Variants in BLK observed in about 807,000 individuals in gnomAD.
The protein encoded by BLK is BLK proto-oncogene, Src family tyrosine kinase.
Under a neutral mutation model 61.8 loss-of-function variants are expected in BLK, and 64 were observed. The observed-to-expected ratio is 1.03, with a 90% CI of 0.85 to 1.27. The LOEUF is 1.27. Ranked by LOEUF, BLK falls within the 50% of genes most tolerant of loss-of-function variation. The probability of loss-of-function intolerance (pLI) is 0.00; values close to 1 mark genes in which losing one functional copy is unlikely to be tolerated. For missense variants in BLK, 853 were observed against 660.5 expected (o/e 1.29, Z -3.19); for synonymous variants, 351 against 272.0 (o/e 1.29, Z -2.86).
At chr8:11,532,029 T>C (rs1799905961) in intron 1 of BLK, among the ~76,000 whole-genome samples, 1 of 152,106 alleles carries the variant, frequency 6.6e-6, no homozygotes, top group Non-Finnish European at 1.5e-5. Context: ...CAGCTAGTTT[T>C]TGCATTTTTA....
chr8:11,548,912 C>T (rs878953803), intron 4 of BLK, 112 bp from the exon 5 acceptor site: 4 of 956,252 alleles, frequency 4.2e-6, no homozygotes, highest in Admixed American at 4.0e-5. Flanking sequence ...CTCTCTACCC[C>T]TGCGGATTCT....
intron 1 of BLK, among the ~76,000 whole-genome samples, chr8:11,504,158 C>G (rs1030937654): frequency 2.0e-5 from 3 of 152,046 alleles, no homozygotes; most frequent in Non-Finnish European, 2.9e-5. Context: ...ACTGTCTCTA[C>G]TCAAAATGCA....
chr8:11,528,359 C>G (rs1481638431), intron 1 of BLK, among the ~76,000 whole-genome samples: 1 of 152,214 alleles, frequency 6.6e-6, no homozygotes, highest in Non-Finnish European at 1.5e-5. Context: ...TTAAGTTAAA[C>G]TATAAACTAA....
chr8:11,506,206 T>C (rs1798764602), intron 1 of BLK, among the ~76,000 whole-genome samples: 1 of 152,196 alleles, frequency 6.6e-6, no homozygotes, highest in Non-Finnish European at 1.5e-5. Flanking sequence ...TGGGGTGTCT[T>C]TAAGGTGACC....
intron 2 of BLK, among the ~76,000 whole-genome samples, chr8:11,544,890 C>T (rs1402224153): frequency 6.6e-6 from 1 of 152,172 alleles, no homozygotes; most frequent in East Asian, 1.9e-4. Context: ...TGTATAGCCA[C>T]CTCCCAACTT....
chr8:11,531,733 T>A (rs1799893782), intron 1 of BLK, among the ~76,000 whole-genome samples: 1 of 152,316 alleles, frequency 6.6e-6, no homozygotes, highest in South Asian at 2.1e-4. Flanking sequence ...TGATGCTCTG[T>A]TGTTTATGTT....
intron 1 of BLK, among the ~76,000 whole-genome samples, chr8:11,529,624 G>C (rs1799807966): frequency 6.6e-6 from 1 of 152,150 alleles, no homozygotes; most frequent in Non-Finnish European, 1.5e-5. Context: ...TGGCTAATTT[G>C]TTAGTCCTAC....
rs192235108 is a variant in BLK at position 11,500,969 on chromosome 8, G to A, written c.-2+6378G>A. Among the ~76,000 whole-genome samples, 1,193 of 152,124 alleles carry A rather than the reference G, an allele frequency of 7.8e-3. 8 individuals are homozygous for A. Among genetic ancestry groups the A allele is most frequent in the Middle Eastern group, 0.041 (12 of 294 alleles). On this transcript the variant is annotated intron_variant, in intron 1 of 12. Transcript: ENST00000259089. ...CACACCTGTAATCCCAGCACTTTGGGAGGCCAAGGTGGGAGGATTGCTTGA... is the reference window on the plus strand; with the variant it reads ...CACACCTGTAATCCCAGCACTTTGGAAGGCCAAGGTGGGAGGATTGCTTGA...
chr8:11,553,028 A>ATG (rs1800988743), intron 6 of BLK: 5 of 162,830 alleles, frequency 3.1e-5, no homozygotes, highest in African/African-American at 1.2e-4. Context: ...ATACACACAC[A>ATG]CGCACACATA....
At chr8:11,552,119 T>C (rs925596079) in intron 6 of BLK, among the ~76,000 whole-genome samples, 5 of 152,176 alleles carry the variant, frequency 3.3e-5, no homozygotes, top group Non-Finnish European at 7.4e-5. Flanking sequence ...GCGATGAGAA[T>C]GGACAGAGTT....
intron 8 of BLK, chr8:11,555,918 G>T (rs773836175): frequency 3.1e-6 from 1 of 327,212 alleles, no homozygotes; most frequent in Non-Finnish European, 6.0e-6. Flanking sequence ...GAAGCTCCAG[G>T]CCTGGTGTCC....
At chr8:11,502,104 T>A (rs2117246755) in intron 1 of BLK, among the ~76,000 whole-genome samples, 1 of 152,266 alleles carries the variant, frequency 6.6e-6, no homozygotes, top group South Asian at 2.1e-4. Flanking sequence ...CACGATAGAG[T>A]ACTTCCGCCT....
At chr8:11,516,197 C>T (rs1392592957) in intron 1 of BLK, among the ~76,000 whole-genome samples, 1 of 152,220 alleles carries the variant, frequency 6.6e-6, no homozygotes, top group African/African-American at 2.4e-5. Flanking sequence ...TTAAATGAGT[C>T]CCTGGAGTAG....
intron 1 of BLK, among the ~76,000 whole-genome samples, chr8:11,518,316 G>T (rs1359235780): frequency 6.6e-6 from 1 of 152,164 alleles, no homozygotes; most frequent in Non-Finnish European, 1.5e-5. Flanking sequence ...GAGTGAATAC[G>T]CACTTTCGTG....
At chr8:11,537,391 C>G (rs1033305241) in intron 1 of BLK, among the ~76,000 whole-genome samples, 2 of 152,190 alleles carry the variant, frequency 1.3e-5, no homozygotes, top group African/African-American at 4.8e-5. Context: ...TACCCCTGTT[C>G]TACCTGGATG....
intron 1 of BLK, among the ~76,000 whole-genome samples, chr8:11,504,405 A>AGAAAAGAAAAGAAAG (rs1435033538): frequency 4.1e-5 from 6 of 147,774 alleles, no homozygotes; most frequent in South Asian, 2.1e-4. Context: ...AGAAAAGAAA[A>AGAAAAGAAAAGAAAG]GAAAAGAAAA....
chr8:11,519,331 C>G (rs1258181953), intron 1 of BLK, among the ~76,000 whole-genome samples: 1 of 152,268 alleles, frequency 6.6e-6, no homozygotes, highest in South Asian at 2.1e-4. Flanking sequence ...GCTGTCTAGA[C>G]CAGAAGCTCC....
At chr8:11,562,085 C>G (rs1187862632) in intron 11 of BLK, among the ~76,000 whole-genome samples, 1 of 152,210 alleles carries the variant, frequency 6.6e-6, no homozygotes, top group Non-Finnish European at 1.5e-5. Flanking sequence ...TCCCAAAGCG[C>G]TGGGATGACA....
At chr8:11,500,211 T>A (rs1227600377) in intron 1 of BLK, among the ~76,000 whole-genome samples, 4 of 152,218 alleles carry the variant, frequency 2.6e-5, no homozygotes, top group Non-Finnish European at 5.9e-5. Flanking sequence ...TGTTGTTGTT[T>A]GAGACAAGGT....
Sources: allele counts gnomAD v4.1 joint callset (sites outside exome capture counted in the v4.1 genomes callset), GRCh38; gene constraint gnomAD v4.1.1; transcripts MANE v1.5; gene names NCBI Gene and HGNC (gene_info 2026-07-23, HGNC 2026-07-21).